The following CSMD1 variants were observed in gnomAD, a reference collection of about 807,000 sequenced individuals.
CSMD1 encodes the protein CUB and Sushi multiple domains 1, also known as CUB and sushi domain-containing protein 1.
A neutral mutation model predicts 417.5 loss-of-function variants in CSMD1; 213 were observed. The observed-to-expected ratio is 0.51, with a 90% CI of 0.46 to 0.57. CSMD1 has a LOEUF of 0.57. Ranked by LOEUF, CSMD1 falls within the 20% of genes least tolerant of loss-of-function variation. CSMD1 has a pLI of 0.00. For synonymous variants in CSMD1, 2,862 were observed against 1,736.8 expected, an observed-to-expected ratio of 1.65 and a Z score of -16.11; for missense variants, 6,923 against 4,529.7, an observed-to-expected ratio of 1.53 and a Z score of -15.17.
At chr8:4,038,936 T>C (rs79933818) in intron 3 of CSMD1, among the ~76,000 whole-genome samples, 222 of 152,324 alleles carry the variant, frequency 1.5e-3, no homozygotes, top group African/African-American at 4.9e-3. Flanking sequence ...CAAGTACATA[T>C]GGTCACAATT....
chr8:3,615,883 T>G (rs947848565), intron 8 of CSMD1, among the ~76,000 whole-genome samples: 2 of 152,174 alleles, frequency 1.3e-5, no homozygotes, highest in African/African-American at 2.4e-5. Context: ...AAATGTTACA[T>G]TTCTTGAACT....
chr8:4,489,293 G>C (rs1396320365), intron 2 of CSMD1, among the ~76,000 whole-genome samples: 2 of 152,168 alleles, frequency 1.3e-5, no homozygotes, highest in African/African-American at 2.4e-5. Context: ...AAAGTTCTGG[G>C]AAAATGTCTC....
intron 1 of CSMD1, among the ~76,000 whole-genome samples, chr8:4,732,837 A>T (rs1463737091): frequency 1.3e-5 from 2 of 152,196 alleles, no homozygotes; most frequent in Non-Finnish European, 2.9e-5. Flanking sequence ...ACTTCTTTGC[A>T]GGCTAGTTGA....
intron 5 of CSMD1, among the ~76,000 whole-genome samples, chr8:3,981,500 T>TAAAAAAAAAAAAAAAAAAA (rs200296436): frequency 5.2e-5 from 6 of 115,072 alleles, no homozygotes; most frequent in Non-Finnish European, 8.7e-5. Context: ...TAGAAAAAAG[T>TAAAAAAAAAAAAAAAAAAA]AAAAAAAAAA....
At chr8:3,266,169 G>A (rs1031830560) in intron 26 of CSMD1, among the ~76,000 whole-genome samples, 5 of 150,998 alleles carry the variant, frequency 3.3e-5, no homozygotes, top group Non-Finnish European at 7.4e-5. Flanking sequence ...CAGGACACCT[G>A]CCTCTCAAGG....
chr8:4,133,449 C>A (rs543008996), intron 3 of CSMD1, among the ~76,000 whole-genome samples: 3 of 152,218 alleles, frequency 2.0e-5, no homozygotes, highest in Admixed American at 2.0e-4. Flanking sequence ...TTATCATTTA[C>A]CTTATTTTTC....
chr8:4,397,799 C>G (rs1272776835), intron 3 of CSMD1, among the ~76,000 whole-genome samples: 1 of 152,030 alleles, frequency 6.6e-6, no homozygotes, highest in Non-Finnish European at 1.5e-5. Flanking sequence ...CTCAATATTA[C>G]ATGCTAATTA....
intron 3 of CSMD1, among the ~76,000 whole-genome samples, chr8:4,199,373 A>T (rs1409428747): frequency 1.3e-5 from 2 of 152,166 alleles, no homozygotes; most frequent in African/African-American, 2.4e-5. Context: ...TTTAATAAAG[A>T]TGCATAGTGT....
intron 12 of CSMD1, among the ~76,000 whole-genome samples, chr8:3,412,754 A>C (rs1458887173): frequency 1.3e-5 from 2 of 152,238 alleles, no homozygotes; most frequent in African/African-American, 4.8e-5. Context: ...CCTTTGCTTA[A>C]AGATAGTTCT....
At chr8:4,879,558 G>A (rs906757052) in intron 1 of CSMD1, among the ~76,000 whole-genome samples, 2 of 151,920 alleles carry the variant, frequency 1.3e-5, no homozygotes, top group Non-Finnish European at 2.9e-5. Context: ...AAATGAATAC[G>A]ATTTCTAGGG....
intron 5 of CSMD1, among the ~76,000 whole-genome samples, chr8:3,883,898 T>C (rs569515822): frequency 2.6e-4 from 39 of 152,210 alleles, no homozygotes; most frequent in African/African-American, 8.9e-4. Flanking sequence ...TATTTAAATA[T>C]AAATTAAATA....
chr8:3,779,631 G>A (rs1484000049), intron 5 of CSMD1, among the ~76,000 whole-genome samples: 4 of 152,250 alleles, frequency 2.6e-5, no homozygotes, highest in East Asian at 1.9e-4. Context: ...TAATGACAGC[G>A]TTAATATTTT....
At chr8:4,808,971 T>C (rs74663638) in intron 1 of CSMD1, among the ~76,000 whole-genome samples, 10,372 of 152,202 alleles carry the variant, frequency 0.068, 593 homozygotes, top group East Asian at 0.24. Flanking sequence ...ATCCAGAAAA[T>C]CTTGTTTAAA....
intron 4 of CSMD1, among the ~76,000 whole-genome samples, chr8:4,006,390 A>G (rs972259352): frequency 1.3e-5 from 2 of 152,154 alleles, no homozygotes; most frequent in Admixed American, 6.5e-5. Flanking sequence ...CTAAAAATAC[A>G]AAAAATAGCT....
Position 4,146,472 on chromosome 8 carries a change from A to C in CSMD1, c.416-114373T>G, listed in dbSNP as rs999520654. 6.0e-5 allele frequency among the ~76,000 whole-genome samples: 9 copies of C among 150,562 alleles called. 1 individual carries two copies. The highest frequency in any genetic ancestry group is 1.0e-4 in the Non-Finnish European group (7 of 68,010). ...GTAAGTGTAGAGTTAACAATGTTGA[A>C]AAGGCTGTTTACCCAGTTCCTCAGA... On this transcript the variant is annotated intron_variant, in intron 3 of 69. Transcript: ENST00000635120.
At chr8:3,747,177 T>C (rs1053539217) in intron 6 of CSMD1, among the ~76,000 whole-genome samples, 4 of 152,300 alleles carry the variant, frequency 2.6e-5, no homozygotes, top group African/African-American at 7.2e-5. Context: ...GGTTCTGCCA[T>C]TTGCAAGCTG....
chr8:3,780,986 G>C (rs906628232), intron 5 of CSMD1, among the ~76,000 whole-genome samples: 2 of 152,154 alleles, frequency 1.3e-5, no homozygotes, highest in Non-Finnish European at 1.5e-5. Context: ...GAAAATATCT[G>C]TGACATTTTG....
intron 1 of CSMD1, among the ~76,000 whole-genome samples, chr8:4,883,320 T>G (rs1319780386): frequency 1.3e-5 from 2 of 152,140 alleles, no homozygotes; most frequent in South Asian, 2.1e-4. Flanking sequence ...TACCTCTATT[T>G]GGATATAATT....
chr8:3,251,479 G>T (rs945184188), intron 26 of CSMD1, among the ~76,000 whole-genome samples: 1 of 152,176 alleles, frequency 6.6e-6, no homozygotes, highest in African/African-American at 2.4e-5. Context: ...TTGTAGTATA[G>T]TTTGAAGTCA....
Sources: gnomAD v4.1 joint callset for allele counts (sites outside exome capture counted in the v4.1 genomes callset) on GRCh38, gnomAD v4.1.1 for gene constraint, MANE v1.5 for transcripts, NCBI Gene and HGNC (gene_info 2026-07-23, HGNC 2026-07-21) for gene names.